ATP6V0A4: variants seen among roughly 807,000 people sequenced by gnomAD.
ATP6V0A4 encodes V-type proton ATPase 116 kDa subunit a 4.
A neutral mutation model predicts 107.3 loss-of-function variants in ATP6V0A4; 86 were observed. That is an observed-to-expected ratio of 0.80 (90% CI 0.67 to 0.96). ATP6V0A4 has a LOEUF of 0.96. Among genes scored for constraint, ATP6V0A4 ranks in the 40% least tolerant of loss-of-function variants. The pLI is 0.00. For missense variants in ATP6V0A4, 908 were observed against 1,045.6 expected (o/e 0.87, Z 1.81); for synonymous variants, 353 against 381.4 (o/e 0.93, Z 0.87).
intron 3 of ATP6V0A4, among the ~76,000 whole-genome samples, chr7:138,769,682 A>G (rs1254159440): frequency 6.6e-6 from 1 of 152,168 alleles, no homozygotes; most frequent in Non-Finnish European, 1.5e-5. Flanking sequence ...AGGAACAGAT[A>G]CTTCCATGCA....
chr7:138,726,001 A>T (rs1053285735), intron 18 of ATP6V0A4, among the ~76,000 whole-genome samples: 8 of 151,332 alleles, frequency 5.3e-5, no homozygotes, highest in Non-Finnish European at 7.4e-5. Flanking sequence ...TTATTTATTT[A>T]TTTTTTGAGA....
chr7:138,797,811 G>A, intron 1 of ATP6V0A4: 1 of 500,338 alleles, frequency 2.0e-6, no homozygotes, highest in East Asian at 4.1e-5. Context: ...TCCTCCCCTT[G>A]TTTCTCAATA....
chr7:138,726,282 C>T (rs1804719886), intron 18 of ATP6V0A4, among the ~76,000 whole-genome samples: 1 of 152,240 alleles, frequency 6.6e-6, no homozygotes, highest in Non-Finnish European at 1.5e-5. Flanking sequence ...AGCCACCGTG[C>T]CCGGCCGAAG....
chr7:138,723,054 T>TC (rs560061354), intron 18 of ATP6V0A4, among the ~76,000 whole-genome samples: 53 of 31,012 alleles, frequency 1.7e-3, no homozygotes, highest in Middle Eastern at 0.019. Context: ...TGAGACTGTC[T>TC]CAAAAAAAAA....
At chr7:138,760,460 A>AAAAAAAG (rs1806752736) in intron 7 of ATP6V0A4, among the ~76,000 whole-genome samples, 2 of 145,026 alleles carry the variant, frequency 1.4e-5, no homozygotes, top group African/African-American at 2.6e-5. Context: ...AAAAAAAAAA[A>AAAAAAAG]AAAAGAATAT....
intron 19 of ATP6V0A4, among the ~76,000 whole-genome samples, chr7:138,720,362 G>A (rs1208237808): frequency 2.6e-5 from 4 of 152,156 alleles, no homozygotes; most frequent in Non-Finnish European, 4.4e-5. Flanking sequence ...GGTGACTAAA[G>A]TTGCCCAAGC....
intron 6 of ATP6V0A4, among the ~76,000 whole-genome samples, chr7:138,762,674 AG>A: frequency 6.6e-6 from 1 of 152,274 alleles, no homozygotes. Flanking sequence ...TTTCTGCCTG[AG>A]CCATTTTCAG....
intron 1 of ATP6V0A4, among the ~76,000 whole-genome samples, chr7:138,791,397 G>A (rs1346103661): frequency 2.6e-5 from 4 of 152,290 alleles, no homozygotes; most frequent in Middle Eastern, 3.4e-3. Flanking sequence ...AAAAAGAGAG[G>A]AGAGAATGGT....
chr7:138,709,782 C>T lies in ATP6V0A4; in HGVS notation c.2271G>A (p.Val757=), dbSNP rs1171974776. 1 of 1,613,984 alleles carries T rather than the reference C, an allele frequency of 6.2e-7. No individual in the cohort carries two copies. Among genetic ancestry groups the T allele is most frequent in the South Asian group, 1.1e-5 (1 of 91,082 alleles). The change falls in exon 21 of 22, where the codon GTG becomes GTA. Residue 757 remains valine (V), a synonymous_variant. Coordinates refer to ENST00000310018, the MANE Select transcript of ATP6V0A4 (RefSeq NM_020632.3). Reference sequence around the variant, plus strand: ...CGCTGTTCATCACCATAGTCCAGAGCACTTCAGACAGTTCTGCAAGGTACG... The same window carrying T: ...CGCTGTTCATCACCATAGTCCAGAGTACTTCAGACAGTTCTGCAAGGTACG... The part of the protein sequence containing the change: ...LSLAHAQLSE[V]LWTMVMNSGL...
chr7:138,736,545 AG>A (rs1805330175), intron 15 of ATP6V0A4, among the ~76,000 whole-genome samples: 1 of 152,020 alleles, frequency 6.6e-6, no homozygotes, highest in Non-Finnish European at 1.5e-5. Flanking sequence ...AAGCAATCCT[AG>A]GAGTTAGGGC....
intron 2 of ATP6V0A4, among the ~76,000 whole-genome samples, chr7:138,772,124 C>T (rs1018886992): frequency 5.3e-5 from 8 of 152,152 alleles, no homozygotes; most frequent in African/African-American, 1.9e-4. Flanking sequence ...TCCATATGCC[C>T]ATTGGGTATA....
chr7:138,792,766 G>GTTTTTTTTTTTTTTTTTTTTTTTTT (rs1202969668), intron 1 of ATP6V0A4, among the ~76,000 whole-genome samples: 2 of 68,708 alleles, frequency 2.9e-5, no homozygotes, highest in Non-Finnish European at 2.8e-5. Flanking sequence ...ACTCAGGTTT[G>GTTTTTTTTTTTTTTTTTTTTTTTTT]TTTTTTTTTT....
chr7:138,759,871 C>T lies in ATP6V0A4; in HGVS notation c.520G>A (p.Ala174Thr). Residue 174 changes from alanine (A) to threonine (T), a missense_variant, in exon 8 of 22, where the codon GCC (alanine) becomes ACC (threonine). By Grantham distance (58) the Ala-to-Thr change is moderately conservative. Coordinates refer to ENST00000310018, the MANE Select transcript of ATP6V0A4 (RefSeq NM_020632.3). ...ATCCTCTCCCTGTTGATCACACCGG[C>T]TATGAACCTAGGCAGCCAGAAGGGA... ...AYMTGKLGFIAGVINRERMAS... is the reference protein window; with the variant it reads ...AYMTGKLGFITGVINRERMAS... 6.2e-7 allele frequency: 1 copy of T among 1,614,092 alleles called. No homozygotes were observed. Among genetic ancestry groups the T allele is most frequent in the South Asian group, 1.1e-5 (1 of 91,076 alleles).
chr7:138,707,498 C>T (rs7811352), intron 21 of ATP6V0A4, among the ~76,000 whole-genome samples: 31,400 of 143,730 alleles, frequency 0.22, 3,719 homozygotes, highest in Middle Eastern at 0.35. Flanking sequence ...GCCTCCCAGG[C>T]TCAAGCAATT....
chr7:138,730,030 T>A (rs1804909450), intron 17 of ATP6V0A4, among the ~76,000 whole-genome samples: 1 of 152,182 alleles, frequency 6.6e-6, no homozygotes, highest in South Asian at 2.1e-4. Flanking sequence ...ACAACCGGCA[T>A]GTGCCACCAC....
At chr7:138,758,185 A>T (rs1345035420) in intron 8 of ATP6V0A4, among the ~76,000 whole-genome samples, 2 of 152,230 alleles carry the variant, frequency 1.3e-5, no homozygotes, top group African/African-American at 4.8e-5. Flanking sequence ...TGTCAAATTT[A>T]AAAATGATCT....
At chr7:138,760,420 G>T (rs1231824917) in intron 7 of ATP6V0A4, among the ~76,000 whole-genome samples, 1 of 140,892 alleles carries the variant, frequency 7.1e-6, no homozygotes, top group Non-Finnish European at 1.5e-5. Context: ...TCCAGCCTGG[G>T]CAGAGAAGGG....
At chr7:138,736,208 A>G (rs1472358509) in intron 15 of ATP6V0A4, among the ~76,000 whole-genome samples, 1 of 152,180 alleles carries the variant, frequency 6.6e-6, no homozygotes, top group Non-Finnish European at 1.5e-5. Context: ...ATGCCACTAC[A>G]TTACAGCCTG....
chr7:138,778,959 A>G lies in ATP6V0A4; in HGVS notation c.-18+7199T>C, dbSNP rs1316613100. ...TCTCTGCTCCTCCAGCCCCGGTGGT[A>G]GCAGCAGAGATCTCGTGAATAGAAG... On this transcript the variant is annotated intron_variant, in intron 2 of 21. Transcript: ENST00000310018. 2.0e-5 allele frequency among the ~76,000 whole-genome samples: 3 copies of G among 152,254 alleles called. No homozygotes were observed. In the East Asian group the frequency reaches 5.8e-4, roughly 29 times the overall value.
Sources: gnomAD v4.1 joint callset for allele counts (sites outside exome capture counted in the v4.1 genomes callset) on GRCh38, gnomAD v4.1.1 for gene constraint, MANE v1.5 for transcripts, NCBI Gene and HGNC (gene_info 2026-07-23, HGNC 2026-07-21) for gene names.